The following SPICE1 variants were observed in gnomAD, a reference collection of about 807,000 sequenced individuals.
SPICE1 encodes spindle and centriole-associated protein 1.
SPICE1 carries 75 observed loss-of-function variants against 102.7 expected under a neutral mutation model. The ratio of observed to expected loss-of-function variants is 0.73; its 90% CI spans 0.61 to 0.88. The LOEUF is 0.88. Ranked by LOEUF, SPICE1 falls within the 40% of genes least tolerant of loss-of-function variation. SPICE1 has a pLI of 0.00. For missense variants in SPICE1, 979 were observed against 1,020.1 expected, an observed-to-expected ratio of 0.96 and a Z score of 0.55; for synonymous variants, 308 against 350.3, an observed-to-expected ratio of 0.88 and a Z score of 1.35.
intron 7 of SPICE1, among the ~76,000 whole-genome samples, chr3:113,474,613 T>A (rs952338050): frequency 1.3e-5 from 2 of 151,968 alleles, no homozygotes; most frequent in Non-Finnish European, 2.9e-5. Flanking sequence ...GCAATCAAAC[T>A]AGAACTCAGG....
chr3:113,511,821 G>A (rs929864155), intron 1 of SPICE1, among the ~76,000 whole-genome samples: 1 of 152,064 alleles, frequency 6.6e-6, no homozygotes, highest in Non-Finnish European at 1.5e-5. Context: ...AATGAAAAAT[G>A]AGGCTTAGAG....
chr3:113,458,876 T>C (rs1447374270), intron 12 of SPICE1, among the ~76,000 whole-genome samples: 5 of 151,468 alleles, frequency 3.3e-5, no homozygotes, highest in African/African-American at 1.2e-4. Flanking sequence ...GTCTGGGAAG[T>C]GAGGAGCCCC....
chr3:113,446,403 C>A (rs1436670246), intron 17 of SPICE1, among the ~76,000 whole-genome samples, 186 bp downstream of exon 17: 2 of 152,088 alleles, frequency 1.3e-5, no homozygotes, highest in Non-Finnish European at 2.9e-5. Context: ...TCCTTAGTTA[C>A]CCTAGAAAAC....
chr3:113,453,484 A>G lies in SPICE1; in HGVS notation c.2124T>C (p.Ser708=). 6.2e-7 allele frequency: 1 copy of G among 1,608,202 alleles called. No homozygotes were observed. The highest frequency in any genetic ancestry group is 1.3e-5 in the African/African-American group (1 of 74,844). The change falls in exon 14 of 18, where the codon AGT becomes AGC. Residue 708 remains serine (S), a synonymous_variant. Coordinates refer to ENST00000295872, the MANE Select transcript of SPICE1 (RefSeq NM_144718.4). ...DGLRELNKQE[S]ASDMTSTFPV... Reference sequence around the variant, plus strand: ...TACTCACAGAAGTCATGTCACTTGCACTTTCTTGTTTGTTCAACTCCCGGA... The same window carrying G: ...TACTCACAGAAGTCATGTCACTTGCGCTTTCTTGTTTGTTCAACTCCCGGA...
At chr3:113,484,412 T>C (rs1039899147) in intron 7 of SPICE1, among the ~76,000 whole-genome samples, 2 of 152,162 alleles carry the variant, frequency 1.3e-5, no homozygotes, top group African/African-American at 2.4e-5. Context: ...ATTTCTTGTC[T>C]TCTGCTAACT....
intron 12 of SPICE1, chr3:113,459,759 A>G (rs1281693595): frequency 2.7e-6 from 2 of 746,668 alleles, no homozygotes; most frequent in Non-Finnish European, 3.3e-6. Context: ...GCAGGCGCCT[A>G]TAATCCCAGC....
At chr3:113,505,681 G>A (rs532414293) in intron 2 of SPICE1, among the ~76,000 whole-genome samples, 3 of 152,278 alleles carry the variant, frequency 2.0e-5, no homozygotes, top group East Asian at 1.9e-4. Flanking sequence ...CACGAGGATC[G>A]CTTGAGGCTA....
intron 7 of SPICE1, among the ~76,000 whole-genome samples, chr3:113,479,736 A>G (rs975961079): frequency 6.6e-6 from 1 of 152,226 alleles, no homozygotes; most frequent in Admixed American, 6.5e-5. Flanking sequence ...ACCAGAATGT[A>G]TGGTACACAT....
chr3:113,503,930 C>CAAAAAAAAAAAAAAAAAA (rs1559977007), intron 2 of SPICE1, among the ~76,000 whole-genome samples: 1 of 73,366 alleles, frequency 1.4e-5, no homozygotes, highest in Non-Finnish European at 2.4e-5. Context: ...GAGTTTCTAT[C>CAAAAAAAAAAAAAAAAAA]TAAAAAAAAA....
chr3:113,477,867 C>T (rs1936393404), intron 7 of SPICE1, among the ~76,000 whole-genome samples: 1 of 151,212 alleles, frequency 6.6e-6, no homozygotes, highest in South Asian at 2.1e-4. Flanking sequence ...AGCACACCAG[C>T]ATGGCACATG....
intron 1 of SPICE1, 77 bp from the exon 2 acceptor site, chr3:113,506,682 T>TA: frequency 1.2e-5 from 13 of 1,106,068 alleles, no homozygotes; most frequent in Non-Finnish European, 1.5e-5. Context: ...GGAAGACACC[T>TA]GAAAAAAAAA....
At chr3:113,472,307 C>A (rs1362690098) in intron 7 of SPICE1, among the ~76,000 whole-genome samples, 1 of 152,270 alleles carries the variant, frequency 6.6e-6, no homozygotes, top group Admixed American at 6.5e-5. Flanking sequence ...GAGCCCACCA[C>A]AGCTCAAGGA....
chr3:113,493,292 C>T lies in SPICE1; in HGVS notation c.406G>A (p.Ala136Thr), dbSNP rs1485006717. 4 of 1,613,672 alleles carry T rather than the reference C, an allele frequency of 2.5e-6. No individual in the cohort carries two copies. In the African/African-American group the frequency reaches 5.3e-5, roughly 22 times the overall value. The change falls in exon 6 of 18, where the codon GCT (alanine) becomes ACT (threonine). Residue 136 changes from alanine (A) to threonine (T), a missense_variant. By Grantham distance (58) the Ala-to-Thr change is moderately conservative. Coordinates refer to ENST00000295872, the MANE Select transcript of SPICE1 (RefSeq NM_144718.4). ...RRTGFPNVTV[A>T]PDSSQGPIVV... ...ATGGGACCCTGAGAGGAATCAGGAG[C>T]CACTGTTACATTTGGAAACCCTGCA...
intron 13 of SPICE1, among the ~76,000 whole-genome samples, chr3:113,454,388 T>C (rs1935731927): frequency 6.6e-6 from 1 of 152,042 alleles, no homozygotes; most frequent in Non-Finnish European, 1.5e-5. Context: ...TTTAGGGGTA[T>C]GTACTGTGAA....
Position 113,493,162 on chromosome 3 carries a change from T to C in SPICE1, c.492+44A>G, listed in dbSNP as rs778820440. The C allele has an allele frequency of 2.2e-6, 3 of 1,394,102 alleles. No individual in the cohort carries two copies. In the Admixed American group the frequency reaches 7.1e-5, roughly 33 times the overall value. The allele number at this position is 1,394,102 out of a possible 1,614,324, so 86.4% of individuals were successfully genotyped here. Reference sequence around the variant, plus strand: ...CCACAAGGCCTATATCAACTTAAACTTCCTTTCAGCATGAGTGTTATAGCT... The same window carrying C: ...CCACAAGGCCTATATCAACTTAAACCTCCTTTCAGCATGAGTGTTATAGCT... On this transcript the variant is annotated intron_variant, in intron 6 of 17. Transcript: ENST00000295872.
In SPICE1 at chr3:113,484,345, A is replaced by AT. The variant is rs796081505; in HGVS notation, c.611+4599dup. Among the ~76,000 whole-genome samples, 43 of 151,724 alleles carry AT rather than the reference A, an allele frequency of 2.8e-4. 1 individual carries two copies. The highest frequency in any genetic ancestry group is 9.2e-4 in the African/African-American group (38 of 41,344). On this transcript the variant is annotated intron_variant, in intron 7 of 17. Transcript: ENST00000295872. ...AAAAAACCAGCTCCTGGATTCATTG[A>AT]TTTTTTGAAGGGTTTTTCATGTCTC...
At chr3:113,474,588 C>A in intron 7 of SPICE1, among the ~76,000 whole-genome samples, 1 of 152,184 alleles carries the variant, frequency 6.6e-6, no homozygotes, top group Non-Finnish European at 1.5e-5. Flanking sequence ...AACAAACTGT[C>A]TCTCAGACCA....
At position 113,493,375 on chromosome 3, in the gene SPICE1, T is replaced by C. The variant is rs1936807559; in HGVS notation, c.386-63A>G. 53 of 1,268,746 alleles carry C rather than the reference T, an allele frequency of 4.2e-5. No individual in the cohort carries two copies. In the South Asian group the frequency reaches 6.0e-4, roughly 14 times the overall value. The allele number at this position is 1,268,746 out of a possible 1,614,324, so 78.6% of individuals were successfully genotyped here. On this transcript the variant is annotated intron_variant, in intron 5 of 17. Transcript: ENST00000295872. ...TTAATTAACTTGACTTCACAAGCTCTATACTGCCATTGGTTTGCATCATCA... is the reference window on the plus strand; with the variant it reads ...TTAATTAACTTGACTTCACAAGCTCCATACTGCCATTGGTTTGCATCATCA...
chr3:113,484,599 A>G lies in SPICE1; in HGVS notation c.611+4346T>C, dbSNP rs375034802. Among the ~76,000 whole-genome samples the G allele has an allele frequency of 2.6e-5, 4 of 152,168 alleles. No homozygotes were observed. In the South Asian group the frequency reaches 8.3e-4, roughly 32 times the overall value. On this transcript the variant is annotated intron_variant, in intron 7 of 17. Transcript: ENST00000295872. Reference sequence around the variant, plus strand: ...TGTGTCTTTGTTCTCTCTGGTTTCAAGGAACATCTTTATTTCTGCCTTCAT... The same window carrying G: ...TGTGTCTTTGTTCTCTCTGGTTTCAGGGAACATCTTTATTTCTGCCTTCAT...
Sources: allele counts gnomAD v4.1 joint callset (sites outside exome capture counted in the v4.1 genomes callset), GRCh38; gene constraint gnomAD v4.1.1; transcripts MANE v1.5; gene names NCBI Gene and HGNC (gene_info 2026-07-23, HGNC 2026-07-21).